Variants in RADX observed in about 807,000 individuals in gnomAD.
RADX encodes RPA1 related single stranded DNA binding protein, X-linked, also known as RPA-related protein RADX.
RADX carries 36 observed loss-of-function variants against 61.6 expected under a neutral mutation model. The ratio of observed to expected loss-of-function variants is 0.58; its 90% confidence interval spans 0.45 to 0.77. The LOEUF (loss-of-function observed/expected upper bound fraction) is 0.77, where lower values mean the gene tolerates loss of function less well. Among genes scored for constraint, RADX ranks in the 30% least tolerant of loss-of-function variants. RADX has a pLI of 0.00. For synonymous variants in RADX, 272 were observed against 237.9 expected (o/e 1.14, Z -1.32); for missense variants, 497 against 651.1 (o/e 0.76, Z 2.58).
At chrX:106,661,284 G>A (rs967582054) in intron 11 of RADX, among the ~76,000 whole-genome samples, 1 of 109,810 alleles carries the variant, frequency 9.1e-6, no homozygotes, top group East Asian at 2.8e-4. Context: ...TCTCAATTTC[G>A]TTCCCTTTTT....
At chrX:106,671,150 G>A (rs752716244) in intron 13 of RADX, among the ~76,000 whole-genome samples, 1 of 111,868 alleles carries the variant, frequency 8.9e-6, no homozygotes, top group East Asian at 2.8e-4. Flanking sequence ...GCTTATGAAA[G>A]TATGTATTCT....
chrX:106,645,075 C>A (rs1371892277), intron 10 of RADX, among the ~76,000 whole-genome samples: 1 of 111,207 alleles, frequency 9.0e-6, no homozygotes, highest in East Asian at 2.8e-4. Flanking sequence ...ATAGTAGCCA[C>A]TAATGAACCT....
chrX:106,630,260 G>A (rs1048268034), intron 3 of RADX, among the ~76,000 whole-genome samples: 1 of 110,343 alleles, frequency 9.1e-6, no homozygotes, highest in Non-Finnish European at 1.9e-5. Flanking sequence ...AGGAGGTTGA[G>A]GCTTCAATGA....
intron 11 of RADX, among the ~76,000 whole-genome samples, chrX:106,649,289 A>G (rs1927737790): frequency 9.5e-6 from 1 of 104,779 alleles, no homozygotes; most frequent in Admixed American, 9.7e-5. Context: ...AGCTAAGCAT[A>G]ATTTGAATTA....
chrX:106,636,773 A>T (rs1927368758), intron 7 of RADX, 126 bp downstream of exon 7: 1 of 342,325 alleles, frequency 2.9e-6, no homozygotes, highest in Non-Finnish European at 4.9e-6. Flanking sequence ...TTCCTTTATT[A>T]CTATAAGAGT....
intron 1 of RADX, among the ~76,000 whole-genome samples, chrX:106,621,989 CATGGTTCACTGCAGCCTGG>C (rs1926959043): frequency 1.0e-5 from 1 of 97,928 alleles, no homozygotes; most frequent in African/African-American, 3.8e-5. Flanking sequence ...GTGGTGTGAT[CATGGTTCACTGCAGCCTGG>C]CTGCAGTGAG....
intron 3 of RADX, among the ~76,000 whole-genome samples, chrX:106,629,811 A>C (rs1310762977): frequency 9.0e-6 from 1 of 111,415 alleles, no homozygotes; most frequent in South Asian, 3.7e-4. Context: ...GGCAAACTGC[A>C]TCATGTGTAA....
chrX:106,631,319 A>G, intron 3 of RADX, among the ~76,000 whole-genome samples: 1 of 111,964 alleles, frequency 8.9e-6, no homozygotes, highest in Non-Finnish European at 1.9e-5. Context: ...GCATATATGA[A>G]CCATAAGTAT....
At chrX:106,615,586 C>A (rs1926782735) in intron 1 of RADX, among the ~76,000 whole-genome samples, 1 of 111,815 alleles carries the variant, frequency 8.9e-6, no homozygotes, top group South Asian at 3.7e-4. Context: ...ATATTTCCTC[C>A]CCCATTTATT....
At chrX:106,625,644 A>G (rs1927058632) in intron 3 of RADX, among the ~76,000 whole-genome samples, 1 of 111,755 alleles carries the variant, frequency 8.9e-6, no homozygotes, top group Non-Finnish European at 1.9e-5. Flanking sequence ...TAACTTTTTG[A>G]AATAATTTCA....
intron 3 of RADX, among the ~76,000 whole-genome samples, chrX:106,628,206 T>C (rs752931235): frequency 8.9e-6 from 1 of 111,819 alleles, no homozygotes; most frequent in East Asian, 2.8e-4. Flanking sequence ...GCACAGGAGA[T>C]GCAAAAGTAA....
At chrX:106,636,697 A>G in intron 7 of RADX, 50 bp downstream of exon 7, 1 of 678,527 alleles carries the variant, frequency 1.5e-6, no homozygotes, top group Non-Finnish European at 2.3e-6. Flanking sequence ...TCTCTTCCCT[A>G]GAATCCTTCA....
chrX:106,631,253 T>C (rs1282695267), intron 3 of RADX, among the ~76,000 whole-genome samples: 4 of 111,739 alleles, frequency 3.6e-5, no homozygotes, highest in Non-Finnish European at 7.5e-5. Context: ...TAAAAGACAA[T>C]TCAACAATTC....
chrX:106,635,989 A>G (rs1927346985), intron 6 of RADX, among the ~76,000 whole-genome samples: 1 of 112,266 alleles, frequency 8.9e-6, no homozygotes, highest in East Asian at 2.8e-4. Flanking sequence ...CTTAAAATCT[A>G]ATTAAGATAA....
At chrX:106,647,375 C>A (rs1319911174) in intron 10 of RADX, among the ~76,000 whole-genome samples, 1 of 111,084 alleles carries the variant, frequency 9.0e-6, no homozygotes, top group Non-Finnish European at 1.9e-5. Context: ...ACCACATTTT[C>A]TTTATCCATT....
At position 106,612,632 on chromosome X, in the gene RADX, G is replaced by T. The variant is rs763330758; in HGVS notation, c.552G>T (p.Gly184=). Reference sequence around the variant, plus strand: ...AACCAGAGAGGCCTTTAAGAGGCGGGAAGAGTCATTACCTGGCGCTGTGGA... The same window carrying T: ...AACCAGAGAGGCCTTTAAGAGGCGGTAAGAGTCATTACCTGGCGCTGTGGA... ...QEKPERPLRG[G]KSHYLALWNN... The change falls in exon 1 of 14, where the codon GGG becomes GGT. Residue 184 remains glycine, a synonymous_variant. Coordinates refer to ENST00000372548, the MANE Select transcript of RADX (RefSeq NM_018015.6). The T allele has an allele frequency of 8.3e-7, 1 of 1,211,163 alleles. No homozygotes were observed. The highest frequency in any genetic ancestry group is 1.8e-5 in the South Asian group (1 of 56,924).
intron 11 of RADX, among the ~76,000 whole-genome samples, chrX:106,649,169 T>C (rs1356679243): frequency 9.0e-6 from 1 of 111,629 alleles, no homozygotes; most frequent in African/African-American, 3.2e-5. Context: ...TCTAGACTGA[T>C]TATTCTCTAT....
At chrX:106,634,551 G>A (rs868390517) in intron 6 of RADX, among the ~76,000 whole-genome samples, 1 of 111,285 alleles carries the variant, frequency 9.0e-6, no homozygotes, top group African/African-American at 3.3e-5. Flanking sequence ...ATACAAAACA[G>A]TATTATACAC....
At chrX:106,638,184 CAG>C in intron 8 of RADX, 1 of 250,561 alleles carries the variant, frequency 4.0e-6, no homozygotes, top group Non-Finnish European at 7.0e-6. Flanking sequence ...AGAGAAAACA[CAG>C]ATGATAACCA....
Sources: gnomAD v4.1 joint callset for allele counts (sites outside exome capture counted in the v4.1 genomes callset) on GRCh38, gnomAD v4.1.1 for gene constraint, MANE v1.5 for transcripts, NCBI Gene and HGNC (gene_info 2026-07-23, HGNC 2026-07-21) for gene names.